The following CBFA2T3 variants were observed in gnomAD, a reference collection of about 807,000 sequenced individuals.
CBFA2T3 encodes the protein transcriptional corepressor CBFA2T3.
In CBFA2T3, 31 loss-of-function variants were observed where a neutral mutation model predicts 58.6. The observed-to-expected ratio is 0.53, with a 90% CI of 0.40 to 0.71. CBFA2T3 has a LOEUF of 0.71. Ranked by LOEUF, CBFA2T3 falls within the 30% of genes least tolerant of loss-of-function variation. CBFA2T3 has a pLI of 0.00. For synonymous variants in CBFA2T3, 531 were observed against 421.9 expected (o/e 1.26, Z -3.17); for missense variants, 1,076 against 963.1 (o/e 1.12, Z -1.55).
At chr16:88,911,674 C>T (rs933963759) in intron 1 of CBFA2T3, among the ~76,000 whole-genome samples, 6 of 152,282 alleles carry the variant, frequency 3.9e-5, no homozygotes, top group Non-Finnish European at 7.3e-5. Flanking sequence ...TCACGAAAAG[C>T]GTCTAGAACA....
chr16:88,930,185 T>C (rs944471707), intron 1 of CBFA2T3, among the ~76,000 whole-genome samples: 24 of 147,942 alleles, frequency 1.6e-4, no homozygotes, highest in Middle Eastern at 6.5e-3. Context: ...AAGCTACCAA[T>C]ACCCACAGCT....
intron 2 of CBFA2T3, among the ~76,000 whole-genome samples, chr16:88,900,718 G>T (rs1355340133): frequency 6.6e-6 from 1 of 152,190 alleles, no homozygotes; most frequent in Admixed American, 6.5e-5. Context: ...AGCCTTGAGG[G>T]ACAGGGACGC....
At chr16:88,892,133 C>G in intron 4 of CBFA2T3, 111 bp downstream of exon 4, 1 of 1,447,034 alleles carries the variant, frequency 6.9e-7, no homozygotes, top group Non-Finnish European at 9.5e-7. Flanking sequence ...GGAGCGGGTC[C>G]ACGCCCGGTT....
At chr16:88,895,834 G>A (rs1171686502) in intron 3 of CBFA2T3, among the ~76,000 whole-genome samples, 2 of 152,230 alleles carry the variant, frequency 1.3e-5, no homozygotes, top group Non-Finnish European at 2.9e-5. Flanking sequence ...CTGGTTAGGA[G>A]TGAGGACCGG....
At chr16:88,916,222 A>G (rs544798541) in intron 1 of CBFA2T3, among the ~76,000 whole-genome samples, 1 of 122,792 alleles carries the variant, frequency 8.1e-6, no homozygotes, top group African/African-American at 3.6e-5. Flanking sequence ...TTACATATAC[A>G]TGTGGGTGTG....
rs747501775 is a variant in CBFA2T3, at chr16:88,976,857, C to G, written c.-50G>C. On this transcript the variant is annotated 5_prime_UTR_variant, in exon 1 of 12. Transcript: ENST00000268679. ...ACCTGGAGCCCAGGACAGGCCTCTA[C>G]CAGGACTGCCTTTCCCGACCTCCTG... The G allele has an allele frequency of 2.6e-6, 4 of 1,513,534 alleles. No homozygotes were observed. The highest frequency in any genetic ancestry group is 1.4e-5 in the African/African-American group (1 of 72,172). 93.8% of individuals were successfully genotyped at this position (1,513,534 alleles called of 1,614,324 possible).
chr16:88,954,243 C>T (rs11646968), intron 1 of CBFA2T3, among the ~76,000 whole-genome samples: 30,524 of 152,078 alleles, frequency 0.2, 3,299 homozygotes, highest in African/African-American at 0.29. Flanking sequence ...CATGATAGGC[C>T]GGCCACCCAT....
Position 88,892,380 on chromosome 16 carries a change from G to A in CBFA2T3, c.485C>T (p.Thr162Ile). 1 of 1,613,572 alleles carries A rather than the reference G, an allele frequency of 6.2e-7. No homozygotes were observed. The highest frequency in any genetic ancestry group is 8.5e-7 in the Non-Finnish European group (1 of 1,180,006). ...CCCGCAGGCTGGGGGCAGGTGCTGT[G>A]TGGACAAGGAGGCTGTGGACGAGGT... ...PATSSTASLSTQHLPPACGAR... is the reference protein window; with the variant it reads ...PATSSTASLSIQHLPPACGAR... Residue 162 changes from threonine to isoleucine, a missense_variant, in exon 4 of 12, where the codon ACA becomes ATA. Transcript: ENST00000268679.
chr16:88,885,295 G>C lies in CBFA2T3; in HGVS notation c.894-26C>G. The stretch of plus-strand genomic sequence containing the variant: ...CTAGCCCCAAGAGCAGGTGGGGCGA[G>C]GGCAGTGGACATAGGATGAACCGGG... On this transcript the variant is annotated intron_variant, in intron 6 of 11. Transcript: ENST00000268679. The surrounding 1 kb of genome is among the most constrained non-coding windows in gnomAD (Gnocchi z 5.3). 6.7e-7 allele frequency: 1 copy of C among 1,488,264 alleles called. No individual in the cohort carries two copies. Among genetic ancestry groups the C allele is most frequent in the Non-Finnish European group, 9.0e-7 (1 of 1,108,564 alleles). 92.2% of individuals were successfully genotyped at this position (1,488,264 alleles called of 1,614,324 possible).
chr16:88,886,195 C>G, intron 5 of CBFA2T3, 53 bp from the exon 6 acceptor site: 1 of 1,374,754 alleles, frequency 7.3e-7, no homozygotes, highest in Non-Finnish European at 9.6e-7. Context: ...CACAGCCCTG[C>G]TCAGGTCCGA....
chr16:88,906,685 C>G (rs944465939), intron 1 of CBFA2T3, among the ~76,000 whole-genome samples: 7 of 152,256 alleles, frequency 4.6e-5, no homozygotes, highest in African/African-American at 1.7e-4. Context: ...TCAGCACCGT[C>G]TACCCGCTGC....
intron 1 of CBFA2T3, among the ~76,000 whole-genome samples, chr16:88,934,489 T>TGGCCGGCAC (rs1447287057): frequency 6.6e-6 from 1 of 152,216 alleles, no homozygotes. Context: ...GCCACACACC[T>TGGCCGGCAC]GGCCGGCACG....
intron 1 of CBFA2T3, among the ~76,000 whole-genome samples, chr16:88,931,580 C>T (rs1046766568): frequency 2.6e-5 from 4 of 151,580 alleles, no homozygotes; most frequent in African/African-American, 4.9e-5. Flanking sequence ...GGGCCGGCCC[C>T]GTGGATGAGC....
chr16:88,909,092 C>G (rs1037830689), intron 1 of CBFA2T3, among the ~76,000 whole-genome samples: 2 of 152,208 alleles, frequency 1.3e-5, no homozygotes, highest in Admixed American at 1.3e-4. Context: ...TGGCCTGCAA[C>G]CAACCCGAGG....
At chr16:88,957,768 G>A (rs569791685) in intron 1 of CBFA2T3, 1 of 152,474 alleles carries the variant, frequency 6.6e-6, no homozygotes, top group East Asian at 1.9e-4. Context: ...CTGGACACAG[G>A]ATCCCGCTTA....
At chr16:88,905,888 G>A (rs1167953027) in intron 1 of CBFA2T3, among the ~76,000 whole-genome samples, 1 of 151,902 alleles carries the variant, frequency 6.6e-6, no homozygotes, top group African/African-American at 2.4e-5. Flanking sequence ...GGAGACCCAT[G>A]GCTGCCCTGG....
intron 5 of CBFA2T3, chr16:88,886,374 G>A (rs747080238): frequency 7.3e-5 from 29 of 397,376 alleles, no homozygotes; most frequent in Non-Finnish European, 9.8e-5. Flanking sequence ...TGGGCCACAC[G>A]GCGATGTGGG....
intron 1 of CBFA2T3, among the ~76,000 whole-genome samples, chr16:88,919,060 G>A (rs529038305): frequency 6.6e-6 from 1 of 152,236 alleles, no homozygotes; most frequent in African/African-American, 2.4e-5. Flanking sequence ...ATCTGCCCTG[G>A]CATGTTTATA....
At chr16:88,891,214 C>G (rs1969617602) in intron 5 of CBFA2T3, among the ~76,000 whole-genome samples, 1 of 152,206 alleles carries the variant, frequency 6.6e-6, no homozygotes, top group African/African-American at 2.4e-5. Flanking sequence ...GTATTCTGTT[C>G]CAGTCACACT....
Sources: allele counts gnomAD v4.1 joint callset (sites outside exome capture counted in the v4.1 genomes callset), GRCh38; gene constraint gnomAD v4.1.1; non-coding constraint Gnocchi (gnomAD v3.1); transcripts MANE v1.5; gene names NCBI Gene and HGNC (gene_info 2026-07-23, HGNC 2026-07-21).